The following PAIP1 variants were observed in gnomAD, a reference collection of about 807,000 sequenced individuals.
PAIP1 encodes the protein polyadenylate-binding protein-interacting protein 1.
In PAIP1, 16 loss-of-function variants were observed where a neutral mutation model predicts 61.3. The ratio of observed to expected loss-of-function variants is 0.26; its 90% CI spans 0.18 to 0.40. PAIP1 has a LOEUF of 0.40. PAIP1 is among the 10% of genes least tolerant of loss of function. PAIP1 has a pLI of 1.00. For synonymous variants in PAIP1, 187 were observed against 226.2 expected, an observed-to-expected ratio of 0.83 and a Z score of 1.56; for missense variants, 416 against 600.9, an observed-to-expected ratio of 0.69 and a Z score of 3.22.
chr5:43,556,956 C>G lies in PAIP1; in HGVS notation c.-110G>C. 1 of 1,260,784 alleles carries G rather than the reference C, an allele frequency of 7.9e-7. No individual in the cohort carries two copies. The highest frequency in any genetic ancestry group is 1.6e-5 in the African/African-American group (1 of 64,200). The allele number at this position is 1,260,784 out of a possible 1,614,324, so 78.1% of individuals were successfully genotyped here. On this transcript the variant is annotated 5_prime_UTR_variant, in exon 1 of 11. Transcript: ENST00000306846. ...TATAGCCGCCGCGCCTCACTCGGGC[C>G]TCATGGAGGAGGAGGGCGGCGGGCC...
chr5:43,546,692 A>T (rs1747647483), intron 3 of PAIP1, among the ~76,000 whole-genome samples: 1 of 152,136 alleles, frequency 6.6e-6, no homozygotes, highest in East Asian at 1.9e-4. Flanking sequence ...TCTCACACTG[A>T]CTAAGAAATT....
chr5:43,528,753 A>T (rs1746808387), intron 10 of PAIP1, among the ~76,000 whole-genome samples: 1 of 152,146 alleles, frequency 6.6e-6, no homozygotes, highest in Non-Finnish European at 1.5e-5. Context: ...AAAAAAAAAT[A>T]AGTTCAAGAT....
rs754303874 is a variant in PAIP1 at position 43,543,042 on chromosome 5, G to A, written c.696C>T (p.Ser232=). The A allele has an allele frequency of 2.0e-5, 32 of 1,607,014 alleles. No homozygotes were observed. The South Asian group carries it at 3.5e-4, about 18-fold the overall frequency. ...CNYLSHHLTI[S]PQSGNFRQLL... ...ATTGGCGGAAGTTGCCACTCTGTGG[G>A]CTAATTGTCAGATGATGGGACAGGT... The change falls in exon 4 of 11, where the codon AGC becomes AGT. Residue 232 remains serine, a synonymous_variant. Coordinates refer to ENST00000306846, the MANE Select transcript of PAIP1 (RefSeq NM_006451.5).
intron 3 of PAIP1, among the ~76,000 whole-genome samples, chr5:43,546,941 A>G (rs1214781843): frequency 6.7e-6 from 1 of 148,156 alleles, no homozygotes; most frequent in East Asian, 2.1e-4. Context: ...TACCTGGGAG[A>G]CTGACGCAGG....
chr5:43,531,677 AG>A (rs1354004202), intron 9 of PAIP1, among the ~76,000 whole-genome samples: 22 of 131,336 alleles, frequency 1.7e-4, no homozygotes, highest in Middle Eastern at 3.8e-3. Context: ...AAAAAAAAAA[AG>A]AGAAAAAAAG....
chr5:43,556,023 C>T (rs1323807651), intron 1 of PAIP1, 24 bp from the exon 2 acceptor site: 1 of 1,602,862 alleles, frequency 6.2e-7, no homozygotes, highest in African/African-American at 1.3e-5. Flanking sequence ...AAAAACGGGG[C>T]GTCAGATGCA....
intron 2 of PAIP1, among the ~76,000 whole-genome samples, chr5:43,549,989 G>A (rs560474044): frequency 9.9e-5 from 15 of 151,138 alleles, no homozygotes; most frequent in Admixed American, 4.0e-4. Flanking sequence ...CTCCCAAAGC[G>A]CTGGGATTAC....
intron 6 of PAIP1, among the ~76,000 whole-genome samples, chr5:43,536,255 A>C (rs1747150959): frequency 6.6e-6 from 1 of 152,186 alleles, no homozygotes; most frequent in South Asian, 2.1e-4. Context: ...ATGCTCGTCC[A>C]CCCACCAAAT....
intron 2 of PAIP1, among the ~76,000 whole-genome samples, chr5:43,554,949 G>A (rs1227817200): frequency 6.6e-6 from 1 of 152,160 alleles, no homozygotes; most frequent in Non-Finnish European, 1.5e-5. Flanking sequence ...TTCATGCAAT[G>A]GAATGTTATA....
At chr5:43,543,310 CAAAAAAA>C (rs11427976) in intron 3 of PAIP1, among the ~76,000 whole-genome samples, 194 bp from the exon 4 acceptor site, 6 of 96,044 alleles carry the variant, frequency 6.2e-5, no homozygotes, top group Admixed American at 1.0e-4. Flanking sequence ...ACAATAAGTA[CAAAAAAA>C]AAAAAAAAAA....
In PAIP1 at chr5:43,556,874, G is replaced by A. The variant is rs187350481; in HGVS notation, c.-28C>T. The stretch of plus-strand genomic sequence containing the variant: ...TCCTCCTCCTCCGCCTCCTCCTCCA[G>A]GGGCCGCTGCCGCTGCGCTCGCGAT... On this transcript the variant is annotated 5_prime_UTR_variant, in exon 1 of 11. Coordinates refer to ENST00000306846, the MANE Select transcript of PAIP1 (RefSeq NM_006451.5). The A allele has an allele frequency of 5.2e-3, 7,237 of 1,388,250 alleles. 234 individuals carry two copies. The East Asian group carries it at 0.1, about 20-fold the overall frequency. 86.0% of individuals were successfully genotyped at this position (1,388,250 alleles called of 1,614,324 possible).
rs1042733302 is a variant in PAIP1 at position 43,556,760 on chromosome 5, G to A, written c.87C>T (p.Gly29=). ...CAGGCCCCGCTCCGTTCGGGAAACCGCCGCCCTCAGGCCCGCCCCCTCCGC... is the reference window on the plus strand; with the variant it reads ...CAGGCCCCGCTCCGTTCGGGAAACCACCGCCCTCAGGCCCGCCCCCTCCGC... ...LGRGGGGPEG[G]GFPNGAGPAE... The change falls in exon 1 of 11, where the codon GGC becomes GGT. Residue 29 remains glycine, a synonymous_variant. Coordinates refer to ENST00000306846, the MANE Select transcript of PAIP1 (RefSeq NM_006451.5). 2.1e-6 allele frequency: 3 copies of A among 1,418,410 alleles called. No homozygotes were observed. Among genetic ancestry groups the A allele is most frequent in the Non-Finnish European group, 9.2e-7 (1 of 1,089,928 alleles). The allele number at this position is 1,418,410 out of a possible 1,614,324, so 87.9% of individuals were successfully genotyped here. A position where few individuals can be genotyped will look rare whatever the true frequency, so the allele number is the denominator to read the frequency against.
At chr5:43,551,731 C>A (rs1232339186) in intron 2 of PAIP1, among the ~76,000 whole-genome samples, 1 of 142,748 alleles carries the variant, frequency 7.0e-6, no homozygotes, top group African/African-American at 2.7e-5. Flanking sequence ...CTGCTTAGAG[C>A]GCTGATTTGC....
intron 1 of PAIP1, 95 bp from the exon 2 acceptor site, chr5:43,556,094 TTA>T: frequency 6.7e-7 from 1 of 1,487,508 alleles, no homozygotes; most frequent in Non-Finnish European, 9.0e-7. Flanking sequence ...GCGTCTGTTT[TTA>T]AGAGTTAAAC....
intron 3 of PAIP1, among the ~76,000 whole-genome samples, chr5:43,545,567 T>C (rs1454379213): frequency 6.6e-6 from 1 of 152,206 alleles, no homozygotes; most frequent in African/African-American, 2.4e-5. Context: ...GTCATGGTGA[T>C]TCTCAGCTTT....
chr5:43,554,403 T>G (rs148207718), intron 2 of PAIP1, among the ~76,000 whole-genome samples: 4 of 152,306 alleles, frequency 2.6e-5, no homozygotes, highest in African/African-American at 9.6e-5. Flanking sequence ...ATGCTCTCAT[T>G]TCTACCTTAC....
At chr5:43,531,656 CAAAAAAAA>C (rs369954867) in intron 9 of PAIP1, among the ~76,000 whole-genome samples, 2 of 59,866 alleles carry the variant, frequency 3.3e-5, no homozygotes, top group East Asian at 1.5e-3. Flanking sequence ...GACTCTGTCT[CAAAAAAAA>C]AAAAAAAAAA....
intron 2 of PAIP1, among the ~76,000 whole-genome samples, chr5:43,548,271 G>A (rs1251729307): frequency 6.6e-6 from 1 of 152,112 alleles, no homozygotes; most frequent in Admixed American, 6.5e-5. Flanking sequence ...TTCAAAGTGG[G>A]AGGGGAAGTA....
In PAIP1 at chr5:43,556,988, C is replaced by T; in HGVS notation, c.-142G>A. 1 of 1,228,494 alleles carries T rather than the reference C, an allele frequency of 8.1e-7. No homozygotes were observed. The allele number at this position is 1,228,494 out of a possible 1,614,324, so 76.1% of individuals were successfully genotyped here. A position where few individuals can be genotyped will look rare whatever the true frequency, so the allele number is the denominator to read the frequency against. The stretch of plus-strand genomic sequence containing the variant: ...AGGAGGAGGGCGGCGGGCCCCGGCT[C>T]GGCTGCTCGGTGCTTCTGGCGGAGC... On this transcript the variant is annotated 5_prime_UTR_variant, in exon 1 of 11. Transcript: ENST00000306846.
Sources: allele counts gnomAD v4.1 joint callset (sites outside exome capture counted in the v4.1 genomes callset), GRCh38; gene constraint gnomAD v4.1.1; transcripts MANE v1.5; gene names NCBI Gene and HGNC (gene_info 2026-07-23, HGNC 2026-07-21).